Variants in CWC22 observed in about 807,000 individuals in gnomAD.
CWC22 encodes the protein pre-mRNA-splicing factor CWC22 homolog.
CWC22 carries 53 observed loss-of-function variants against 117.2 expected under a neutral mutation model. The ratio of observed to expected loss-of-function variants is 0.45; its 90% CI spans 0.36 to 0.57. The LOEUF (loss-of-function observed/expected upper bound fraction) is 0.57, where lower values mean the gene tolerates loss of function less well. Ranked by LOEUF, CWC22 falls within the 20% of genes least tolerant of loss-of-function variation. The pLI is 0.00. For synonymous variants in CWC22, 360 were observed against 355.6 expected (o/e 1.01, Z -0.14); for missense variants, 980 against 1,068.8 (o/e 0.92, Z 1.16).
chr2:179,980,499 G>C (rs1217757170), intron 5 of CWC22, among the ~76,000 whole-genome samples: 6 of 148,160 alleles, frequency 4.0e-5, no homozygotes, highest in Non-Finnish European at 8.9e-5. Context: ...CTCACTGCAA[G>C]CTCCGCCTCC....
At chr2:179,978,345 T>C in intron 5 of CWC22, 27 bp from the exon 6 acceptor site, 1 of 1,427,298 alleles carries the variant, frequency 7.0e-7, no homozygotes. Flanking sequence ...TTAATAAAGA[T>C]TAAAACTTAA....
intron 11 of CWC22, among the ~76,000 whole-genome samples, chr2:179,967,885 A>G (rs890894125): frequency 6.6e-6 from 1 of 152,164 alleles, no homozygotes; most frequent in Non-Finnish European, 1.5e-5. Flanking sequence ...TTGGCCAACA[A>G]TTTCTCAAAT....
intron 4 of CWC22, among the ~76,000 whole-genome samples, chr2:179,983,764 C>A (rs1687345661): frequency 6.6e-6 from 1 of 151,720 alleles, no homozygotes; most frequent in Admixed American, 6.6e-5. Flanking sequence ...CAAATATCAA[C>A]CTCAATTAGT....
intron 13 of CWC22, among the ~76,000 whole-genome samples, chr2:179,960,432 C>T (rs770504996): frequency 2.0e-5 from 3 of 151,390 alleles, no homozygotes; most frequent in Non-Finnish European, 3.0e-5. Context: ...ACAATGAGGA[C>T]AAAGAAATAA....
Position 179,954,298 on chromosome 2 carries a change from C to T in CWC22, c.1596G>A (p.Gln532=). 1 of 1,609,202 alleles carries T rather than the reference C, an allele frequency of 6.2e-7. No homozygotes were observed. The highest frequency in any genetic ancestry group is 8.5e-7 in the Non-Finnish European group (1 of 1,176,356). ...MESFEGIFKE[Q]YDTIHRLETN... The stretch of plus-strand genomic sequence containing the variant: ...TTTCCAAGCGATGGATGGTATCATA[C>T]TGTTCTTTGAATATACCTTCAAAGG... The change falls in exon 16 of 20, where the codon CAG becomes CAA. Residue 532 remains glutamine, a synonymous_variant. Transcript: ENST00000410053.
At chr2:179,973,837 T>C (rs1197940024) in intron 6 of CWC22, 35 bp from the exon 7 acceptor site, 5 of 1,301,572 alleles carry the variant, frequency 3.8e-6, no homozygotes, top group Non-Finnish European at 5.2e-6. Context: ...GAGTCAACAA[T>C]AATCACCAAA....
intron 7 of CWC22, 67 bp from the exon 8 acceptor site, chr2:179,973,313 T>C: frequency 9.2e-7 from 1 of 1,082,834 alleles, no homozygotes; most frequent in Non-Finnish European, 1.4e-6. Flanking sequence ...ACATAATCTA[T>C]GGCCTACTAA....
chr2:179,973,846 A>C lies in CWC22; in HGVS notation c.582-44T>G, dbSNP rs1687089992. 4 of 1,184,118 alleles carry C rather than the reference A, an allele frequency of 3.4e-6. No homozygotes were observed. In the African/African-American group the frequency reaches 4.7e-5, roughly 14 times the overall value. 73.4% of individuals were successfully genotyped at this position (1,184,118 alleles called of 1,614,324 possible). Reference sequence around the variant, plus strand: ...AAAAAGGAGTCAACAATAATCACCAAATTAATTAAACGAAACAAAAACTAT... The same window carrying C: ...AAAAAGGAGTCAACAATAATCACCACATTAATTAAACGAAACAAAAACTAT... On this transcript the variant is annotated intron_variant, in intron 6 of 19. Transcript: ENST00000410053.
At chr2:179,992,905 T>C (rs548966980) in intron 2 of CWC22, among the ~76,000 whole-genome samples, 4 of 152,360 alleles carry the variant, frequency 2.6e-5, no homozygotes, top group Admixed American at 2.6e-4. Flanking sequence ...TGTAAACAGA[T>C]ATGCAGAAAT....
intron 13 of CWC22, among the ~76,000 whole-genome samples, chr2:179,963,856 G>A (rs921641856): frequency 6.6e-6 from 1 of 152,156 alleles, no homozygotes; most frequent in Non-Finnish European, 1.5e-5. Context: ...AAAGAAAACT[G>A]AGAAAACATT....
chr2:179,997,980 C>T (rs1687750208), intron 1 of CWC22, among the ~76,000 whole-genome samples: 1 of 152,116 alleles, frequency 6.6e-6, no homozygotes, highest in Non-Finnish European at 1.5e-5. Flanking sequence ...AAATGCATGA[C>T]AGGAGAATTA....
At position 179,978,176 on chromosome 2, in the gene CWC22, T is replaced by C; in HGVS notation, c.581+14A>G. 2.0e-6 allele frequency: 3 copies of C among 1,496,270 alleles called. No homozygotes were observed. The highest frequency in any genetic ancestry group is 2.2e-4 in the Middle Eastern group (1 of 4,460). The allele number at this position is 1,496,270 out of a possible 1,614,324, so 92.7% of individuals were successfully genotyped here. On this transcript the variant is annotated intron_variant, in intron 6 of 19. Transcript: ENST00000410053. Reference sequence around the variant, plus strand: ...ATACTTAGAAATACTACAAATAAAATAGCCAATACTTACCTTCCTCTAACT... The same window carrying C: ...ATACTTAGAAATACTACAAATAAAACAGCCAATACTTACCTTCCTCTAACT...
rs3738943 is a variant in CWC22, at chr2:179,982,016, G to A, written c.207-19C>T. The A allele has an allele frequency of 2.1e-6, 3 of 1,410,434 alleles. No homozygotes were observed. The East Asian group carries it at 7.5e-5, about 35-fold the overall frequency. 87.4% of individuals were successfully genotyped at this position (1,410,434 alleles called of 1,614,324 possible). ...CCTGTTTCTGTAATATAAATTTTTT[G>A]AAGAGCAGAAAAGACAATATAAAAC... On this transcript the variant is annotated intron_variant, in intron 4 of 19. Transcript: ENST00000410053.
At chr2:179,960,099 C>T (rs1273922333) in intron 13 of CWC22, among the ~76,000 whole-genome samples, 10 of 152,000 alleles carry the variant, frequency 6.6e-5, no homozygotes, top group Admixed American at 5.9e-4. Context: ...GAATGTTTTC[C>T]CACTACAAAC....
rs143368154 is a variant in CWC22, at chr2:179,993,345, C to T, written c.-4G>A. On this transcript the variant is annotated 5_prime_UTR_variant, in exon 2 of 20. Transcript: ENST00000410053. ...TCTGTGCCACACTACTTTTCATTTT[C>T]TGTTGCCAGTTGGTCCAATAAATCA... 2.7e-4 allele frequency: 430 copies of T among 1,564,324 alleles called. 1 individual carries two copies. In the African/African-American group the frequency reaches 5.2e-3, roughly 19 times the overall value.
chr2:179,980,480 C>T (rs915133773), intron 5 of CWC22, among the ~76,000 whole-genome samples: 5 of 144,408 alleles, frequency 3.5e-5, no homozygotes, highest in African/African-American at 7.8e-5. Flanking sequence ...TGCAGTGGTG[C>T]GATCTCGGCT....
intron 11 of CWC22, among the ~76,000 whole-genome samples, chr2:179,969,163 T>C (rs1355060474): frequency 6.6e-6 from 1 of 152,214 alleles, no homozygotes; most frequent in African/African-American, 2.4e-5. Flanking sequence ...AATTCTCAAG[T>C]TTAAAAAAGA....
intron 6 of CWC22, among the ~76,000 whole-genome samples, chr2:179,977,444 T>C (rs781215677): frequency 3.3e-5 from 5 of 152,222 alleles, no homozygotes; most frequent in East Asian, 3.8e-4. Flanking sequence ...GAGAACATTA[T>C]GCTAAGTGAA....
At chr2:179,965,041 T>G (rs1686853953) in intron 12 of CWC22, among the ~76,000 whole-genome samples, 1 of 151,884 alleles carries the variant, frequency 6.6e-6, no homozygotes, top group South Asian at 2.1e-4. Context: ...GCTGGATGAG[T>G]CCAACATAAA....
Sources: gnomAD v4.1 joint callset for allele counts (sites outside exome capture counted in the v4.1 genomes callset) on GRCh38, gnomAD v4.1.1 for gene constraint, MANE v1.5 for transcripts, NCBI Gene and HGNC (gene_info 2026-07-23, HGNC 2026-07-21) for gene names.